Variants in SLC71A2 observed in about 807,000 individuals in gnomAD.
The protein encoded by SLC71A2 is hippocampus abundant transcript-like 1.
At chr9:94,399,147 C>G in the SLC71A2 span, among the ~76,000 whole-genome samples, 1 of 152,288 alleles carries the variant, frequency 6.6e-6, no homozygotes, top group East Asian at 1.9e-4. Flanking sequence ...TTTAACTTAA[C>G]TACTCAGTCT....
At chr9:94,412,445 A>G in the SLC71A2 span, among the ~76,000 whole-genome samples, 1 of 152,204 alleles carries the variant, frequency 6.6e-6, no homozygotes, top group Non-Finnish European at 1.5e-5. Flanking sequence ...TAATAAAAGG[A>G]TATTAATAGT....
At chr9:94,414,496 A>G in the SLC71A2 span, among the ~76,000 whole-genome samples, 3 of 152,130 alleles carry the variant, frequency 2.0e-5, no homozygotes, top group African/African-American at 7.2e-5. Context: ...CTCTCTTATT[A>G]TGTAGGTAAA....
At chr9:94,459,181 G>A in the SLC71A2 span, 152,772 of 1,613,340 alleles carry the variant, frequency 0.095, 8,219 homozygotes, top group Non-Finnish European at 0.11. Context: ...TCCCAGGCCC[G>A]CCGTTTTTAT....
At chr9:94,443,166 C>T in the SLC71A2 span, among the ~76,000 whole-genome samples, 1 of 152,116 alleles carries the variant, frequency 6.6e-6, no homozygotes, top group African/African-American at 2.4e-5. Context: ...TAATTACCCT[C>T]TCCAGCTCAG....
chr9:94,383,223 C>T, the SLC71A2 span, among the ~76,000 whole-genome samples: 29 of 129,716 alleles, frequency 2.2e-4, no homozygotes, highest in Non-Finnish European at 2.2e-4. Context: ...AGTGCAGTGG[C>T]GCAATCTCGG....
chr9:94,447,115 G>GT, the SLC71A2 span, among the ~76,000 whole-genome samples: 1 of 152,092 alleles, frequency 6.6e-6, no homozygotes, highest in Admixed American at 6.5e-5. Context: ...ATGATTTATA[G>GT]TAAGATAATT....
chr9:94,422,837 A>T, the SLC71A2 span, among the ~76,000 whole-genome samples: 21 of 151,608 alleles, frequency 1.4e-4, no homozygotes, highest in African/African-American at 5.1e-4. Context: ...TTCTTTATAT[A>T]TTCTAGGTAC....
the SLC71A2 span, among the ~76,000 whole-genome samples, chr9:94,386,732 C>G: frequency 6.6e-6 from 1 of 152,096 alleles, no homozygotes; most frequent in Non-Finnish European, 1.5e-5. Flanking sequence ...AGGCAGTAAG[C>G]TGGGATAATA....
chr9:94,398,224 G>T, the SLC71A2 span, among the ~76,000 whole-genome samples: 37 of 142,436 alleles, frequency 2.6e-4, no homozygotes, highest in Non-Finnish European at 5.3e-4. Flanking sequence ...CCCTATCTTT[G>T]TTTTTTTTTA....
At chr9:94,426,331 C>T in the SLC71A2 span, among the ~76,000 whole-genome samples, 1 of 152,022 alleles carries the variant, frequency 6.6e-6, no homozygotes, top group African/African-American at 2.4e-5. Context: ...AGGGAGCTTA[C>T]TTTGTGACCT....
chr9:94,440,064 A>G, the SLC71A2 span, among the ~76,000 whole-genome samples: 4 of 152,162 alleles, frequency 2.6e-5, no homozygotes, highest in East Asian at 1.9e-4. Flanking sequence ...AAATATTCCT[A>G]TTGTATCCAC....
chr9:94,453,816 C>G, the SLC71A2 span: 1 of 631,444 alleles, frequency 1.6e-6, no homozygotes. Flanking sequence ...GTCATCAGTA[C>G]TGTCCAGACT....
At chr9:94,392,334 A>G in the SLC71A2 span, among the ~76,000 whole-genome samples, 1 of 150,624 alleles carries the variant, frequency 6.6e-6, no homozygotes, top group Non-Finnish European at 1.5e-5. Flanking sequence ...TTCAGACTAT[A>G]CATGCCTTGT....
chr9:94,393,006 T>C, the SLC71A2 span, among the ~76,000 whole-genome samples: 1 of 152,348 alleles, frequency 6.6e-6, no homozygotes, highest in South Asian at 2.1e-4. Context: ...GTCTGTCCAT[T>C]AGCCTCTGAA....
At chr9:94,408,430 T>G in the SLC71A2 span, among the ~76,000 whole-genome samples, 1 of 152,178 alleles carries the variant, frequency 6.6e-6, no homozygotes, top group Non-Finnish European at 1.5e-5. Flanking sequence ...CTTCAAAGAG[T>G]GAGTTAGAAA....
the SLC71A2 span, among the ~76,000 whole-genome samples, chr9:94,401,088 C>CTTT: frequency 6.9e-6 from 1 of 144,774 alleles, no homozygotes. Context: ...TTTTCTTTTC[C>CTTT]TTTTTTTTTT....
the SLC71A2 span, among the ~76,000 whole-genome samples, chr9:94,453,173 G>T: frequency 7.4e-6 from 1 of 134,480 alleles, no homozygotes; most frequent in African/African-American, 2.9e-5. Flanking sequence ...TTTTTGACAC[G>T]GAGTCTCGCT....
the SLC71A2 span, among the ~76,000 whole-genome samples, chr9:94,435,143 T>C: frequency 6.6e-6 from 1 of 152,226 alleles, no homozygotes; most frequent in African/African-American, 2.4e-5. Context: ...GTGCCCTCTT[T>C]TTACTCTGTC....
the SLC71A2 span, among the ~76,000 whole-genome samples, chr9:94,385,739 T>G: frequency 6.6e-5 from 10 of 152,098 alleles, no homozygotes; most frequent in African/African-American, 2.4e-4. Context: ...CCACACTGTT[T>G]TGATCACTGT....
Sources: gnomAD v4.1 joint callset for allele counts (sites outside exome capture counted in the v4.1 genomes callset) on GRCh38, gnomAD v4.1.1 for gene constraint, MANE v1.5 for transcripts, NCBI Gene and HGNC (gene_info 2026-07-23, HGNC 2026-07-21) for gene names.